The following CTNNA3 variants were observed in gnomAD, a reference collection of about 807,000 sequenced individuals.
CTNNA3 encodes catenin alpha 3, also known as catenin alpha-3.
Under a neutral mutation model 95.7 loss-of-function variants are expected in CTNNA3, and 76 were observed. The ratio of observed to expected loss-of-function variants is 0.79; its 90% CI spans 0.66 to 0.96. CTNNA3 has a LOEUF of 0.96. Among genes scored for constraint, CTNNA3 ranks in the 40% least tolerant of loss-of-function variants. The pLI, the probability that CTNNA3 is intolerant of heterozygous loss-of-function variation, is 0.00. For synonymous variants in CTNNA3, 431 were observed against 374.4 expected (o/e 1.15, Z -1.74); for missense variants, 1,191 against 1,089.8 (o/e 1.09, Z -1.31).
chr10:66,267,696 T>C (rs2091188188), intron 13 of CTNNA3, among the ~76,000 whole-genome samples: 1 of 152,166 alleles, frequency 6.6e-6, no homozygotes, highest in African/African-American at 2.4e-5. Flanking sequence ...TATGATGTCT[T>C]CTTCATTGTA....
chr10:66,642,975 G>A (rs368338829), intron 9 of CTNNA3, among the ~76,000 whole-genome samples: 46 of 152,206 alleles, frequency 3.0e-4, no homozygotes, highest in African/African-American at 9.9e-4. Context: ...CCATGTAAAG[G>A]AAAGCCTTGA....
chr10:67,047,170 T>C (rs1409070885), intron 7 of CTNNA3, among the ~76,000 whole-genome samples: 1 of 152,190 alleles, frequency 6.6e-6, no homozygotes, highest in Non-Finnish European at 1.5e-5. Flanking sequence ...AGTACAATGC[T>C]TCAATCCTTC....
chr10:67,558,254 C>A (rs1354959904), intron 3 of CTNNA3, among the ~76,000 whole-genome samples: 1 of 152,136 alleles, frequency 6.6e-6, no homozygotes, highest in Non-Finnish European at 1.5e-5. Flanking sequence ...CAAATATACT[C>A]CACTAGAAAG....
At chr10:67,271,953 A>G (rs943151728) in intron 5 of CTNNA3, among the ~76,000 whole-genome samples, 3 of 152,188 alleles carry the variant, frequency 2.0e-5, no homozygotes, top group Non-Finnish European at 4.4e-5. Context: ...ACATTCTTAC[A>G]TTGCCTTAAA....
intron 13 of CTNNA3, among the ~76,000 whole-genome samples, chr10:66,274,800 A>G (rs10762045): frequency 0.27 from 40,867 of 152,012 alleles, 6,150 homozygotes; most frequent in African/African-American, 0.4. Flanking sequence ...TAAGACAGTG[A>G]TAAATCAATC....
At chr10:67,423,432 G>A (rs1033189613) in intron 5 of CTNNA3, among the ~76,000 whole-genome samples, 2 of 152,106 alleles carry the variant, frequency 1.3e-5, no homozygotes, top group Non-Finnish European at 2.9e-5. Flanking sequence ...GGAAGCCTAA[G>A]GTTTCAAGGA....
chr10:66,089,483 T>C (rs1408998384), intron 14 of CTNNA3, among the ~76,000 whole-genome samples: 4 of 151,680 alleles, frequency 2.6e-5, no homozygotes, highest in African/African-American at 4.8e-5. Flanking sequence ...TTCTATTCCC[T>C]CCCTGCAAAT....
intron 1 of CTNNA3, among the ~76,000 whole-genome samples, chr10:67,660,069 G>A (rs1236305428): frequency 6.6e-6 from 1 of 152,074 alleles, no homozygotes; most frequent in Non-Finnish European, 1.5e-5. Context: ...TATGTAACTG[G>A]GGAATTTCAG....
intron 7 of CTNNA3, among the ~76,000 whole-genome samples, chr10:66,781,219 T>C (rs1589248231): frequency 6.6e-6 from 1 of 152,310 alleles, no homozygotes; most frequent in South Asian, 2.1e-4. Context: ...GTTGTTTTTG[T>C]TGTTGTTATT....
At chr10:67,057,850 A>G (rs1855531483) in intron 7 of CTNNA3, among the ~76,000 whole-genome samples, 1 of 152,186 alleles carries the variant, frequency 6.6e-6, no homozygotes, top group Non-Finnish European at 1.5e-5. Flanking sequence ...CAAAGATTGA[A>G]GCCAAAATAT....
intron 2 of CTNNA3, among the ~76,000 whole-genome samples, chr10:67,634,444 C>G (rs189537890): frequency 1.3e-5 from 2 of 152,270 alleles, no homozygotes; most frequent in Admixed American, 1.3e-4. Flanking sequence ...AACCAGCTAG[C>G]ATCATGATGA....
intron 7 of CTNNA3, among the ~76,000 whole-genome samples, chr10:67,070,856 A>G (rs537781985): frequency 1.2e-4 from 19 of 152,230 alleles, no homozygotes; most frequent in Non-Finnish European, 2.4e-4. Context: ...TGTTTACTAT[A>G]TTCTTTTTTT....
At chr10:67,304,570 G>T (rs1370605917) in intron 5 of CTNNA3, among the ~76,000 whole-genome samples, 3 of 152,056 alleles carry the variant, frequency 2.0e-5, no homozygotes, top group Admixed American at 1.3e-4. Context: ...TGAAATGAAA[G>T]AAATCTATTT....
intron 8 of CTNNA3, among the ~76,000 whole-genome samples, chr10:66,769,054 G>A (rs1361109579): frequency 2.6e-5 from 4 of 152,126 alleles, no homozygotes; most frequent in African/African-American, 9.7e-5. Context: ...TGAGATATAT[G>A]TTTAAAGAGT....
intron 2 of CTNNA3, among the ~76,000 whole-genome samples, chr10:67,613,844 C>T (rs917215107): frequency 1.3e-5 from 2 of 152,102 alleles, no homozygotes; most frequent in African/African-American, 4.8e-5. Context: ...ACAACTTTTC[C>T]ACAGACCCAG....
intron 7 of CTNNA3, among the ~76,000 whole-genome samples, chr10:66,932,967 T>C (rs1267521625): frequency 6.6e-6 from 1 of 152,220 alleles, no homozygotes; most frequent in African/African-American, 2.4e-5. Flanking sequence ...CACAGGTACA[T>C]TTCCTGGCTT....
intron 10 of CTNNA3, among the ~76,000 whole-genome samples, chr10:66,605,407 C>T (rs1254559497): frequency 1.3e-5 from 2 of 152,140 alleles, no homozygotes; most frequent in African/African-American, 4.8e-5. Flanking sequence ...TCCATGAGAA[C>T]TTCTCCAACC....
chr10:65,958,004 G>A (rs577675230), intron 17 of CTNNA3, among the ~76,000 whole-genome samples: 7 of 152,118 alleles, frequency 4.6e-5, no homozygotes, highest in Admixed American at 1.3e-4. Flanking sequence ...TATTCTCCCC[G>A]TCACTTTCAG....
At chr10:66,859,924 C>T (rs1168326539) in intron 7 of CTNNA3, among the ~76,000 whole-genome samples, 7 of 129,240 alleles carry the variant, frequency 5.4e-5, no homozygotes, top group Non-Finnish European at 1.2e-4. Context: ...GGACAAAAAA[C>T]CAAACACCAC....
Sources: gnomAD v4.1 joint callset for allele counts (sites outside exome capture counted in the v4.1 genomes callset) on GRCh38, gnomAD v4.1.1 for gene constraint, MANE v1.5 for transcripts, NCBI Gene and HGNC (gene_info 2026-07-23, HGNC 2026-07-21) for gene names.